The following MARK1 variants were observed in gnomAD, a reference collection of about 807,000 sequenced individuals.
MARK1 encodes serine/threonine-protein kinase MARK1.
A neutral mutation model predicts 96.3 loss-of-function variants in MARK1; 40 were observed. The ratio of observed to expected loss-of-function variants is 0.42; its 90% confidence interval spans 0.32 to 0.54. The LOEUF (loss-of-function observed/expected upper bound fraction) is 0.54. MARK1 is among the 20% of genes least tolerant of loss of function. The pLI is 0.16. For synonymous variants in MARK1, 317 were observed against 341.2 expected, an observed-to-expected ratio of 0.93 and a Z score of 0.78; for missense variants, 719 against 984.6, an observed-to-expected ratio of 0.73 and a Z score of 3.61.
chr1:220,615,217 G>A (rs887235896), intron 6 of MARK1, among the ~76,000 whole-genome samples: 16 of 151,884 alleles, frequency 1.1e-4, no homozygotes, highest in Admixed American at 3.9e-4. Flanking sequence ...TAAACTGTTG[G>A]GTTCCTCCTT....
chr1:220,615,154 A>G (rs1341246575), intron 6 of MARK1, among the ~76,000 whole-genome samples: 1 of 152,170 alleles, frequency 6.6e-6, no homozygotes, highest in Non-Finnish European at 1.5e-5. Flanking sequence ...TTTATGTAAT[A>G]AAGAACTATC....
intron 3 of MARK1, among the ~76,000 whole-genome samples, chr1:220,592,211 G>GATTAT (rs1553324916): frequency 1.5e-5 from 2 of 130,790 alleles, no homozygotes; most frequent in East Asian, 2.3e-4. Flanking sequence ...TCACTGTCAT[G>GATTAT]ATTATATCAT....
chr1:220,542,701 TG>T (rs1401496474), intron 1 of MARK1, among the ~76,000 whole-genome samples: 2 of 152,208 alleles, frequency 1.3e-5, no homozygotes, highest in African/African-American at 2.4e-5. Context: ...TTTGTTGATT[TG>T]TTTTTTTATG....
chr1:220,531,421 A>G (rs1660307724), intron 1 of MARK1, among the ~76,000 whole-genome samples: 1 of 152,204 alleles, frequency 6.6e-6, no homozygotes. Flanking sequence ...AGAAATTAAA[A>G]TCAACAAATA....
intron 6 of MARK1, among the ~76,000 whole-genome samples, chr1:220,609,570 G>A (rs954089015): frequency 6.6e-6 from 1 of 152,148 alleles, no homozygotes; most frequent in Non-Finnish European, 1.5e-5. Flanking sequence ...GGTTAATATT[G>A]TTAGGTGTGA....
At chr1:220,622,910 T>C (rs1360767192) in intron 9 of MARK1, among the ~76,000 whole-genome samples, 1 of 152,172 alleles carries the variant, frequency 6.6e-6, no homozygotes, top group East Asian at 1.9e-4. Flanking sequence ...AAAATAAATG[T>C]GCATCTAAGT....
chr1:220,593,183 A>C (rs1008560787), intron 3 of MARK1, among the ~76,000 whole-genome samples: 2 of 152,110 alleles, frequency 1.3e-5, no homozygotes, highest in Admixed American at 1.3e-4. Flanking sequence ...CAAAACCAAA[A>C]TAAGTACTGT....
At chr1:220,633,718 G>T (rs1469556330) in intron 11 of MARK1, among the ~76,000 whole-genome samples, 5 of 152,196 alleles carry the variant, frequency 3.3e-5, no homozygotes, top group Non-Finnish European at 7.3e-5. Context: ...AGTAGCACTT[G>T]GCGACCAGTT....
chr1:220,614,978 C>T lies in MARK1; in HGVS notation c.496-961C>T, dbSNP rs148770784. 3.9e-3 allele frequency among the ~76,000 whole-genome samples: 594 copies of T among 152,196 alleles called. 3 individuals are homozygous for T. The highest frequency in any genetic ancestry group is 6.4e-3 in the Non-Finnish European group (433 of 67,978). On this transcript the variant is annotated intron_variant, in intron 6 of 17. Coordinates refer to ENST00000366917, the MANE Select transcript of MARK1 (RefSeq NM_018650.5). ...TTTTAAAAAAATCTCATTTTTGTCT[C>T]CATTTGTAAATGCCTAACATTCAAA...
chr1:220,535,079 G>A (rs1660595178), intron 1 of MARK1, among the ~76,000 whole-genome samples: 1 of 152,028 alleles, frequency 6.6e-6, no homozygotes, highest in African/African-American at 2.4e-5. Context: ...GGGTCATATG[G>A]TAGTTCTACT....
chr1:220,544,086 G>C (rs775196059), intron 1 of MARK1, among the ~76,000 whole-genome samples: 2 of 152,150 alleles, frequency 1.3e-5, no homozygotes, highest in Non-Finnish European at 2.9e-5. Flanking sequence ...TAAGTAGTAA[G>C]GTACATGCAT....
Position 220,590,065 on chromosome 1 carries a change from T to C in MARK1, c.310-8266T>C, listed in dbSNP as rs553346449. 3.0e-3 allele frequency among the ~76,000 whole-genome samples: 455 copies of C among 152,318 alleles called. 4 individuals are homozygous for C. Among genetic ancestry groups the C allele is most frequent in the African/African-American group, 0.011 (439 of 41,572 alleles). On this transcript the variant is annotated intron_variant, in intron 3 of 17. Coordinates refer to ENST00000366917, the MANE Select transcript of MARK1 (RefSeq NM_018650.5). The stretch of plus-strand genomic sequence containing the variant: ...AAAAGATCACATATGTATATGTGGC[T>C]CTTCCTCTCCCTCTCCCTGCTTCCT...
chr1:220,580,534 TATA>T (rs947922415), intron 2 of MARK1, among the ~76,000 whole-genome samples: 3 of 152,114 alleles, frequency 2.0e-5, no homozygotes, highest in Non-Finnish European at 2.9e-5. Flanking sequence ...TTGCTCTATG[TATA>T]ATATTATTGT....
At chr1:220,588,080 A>G (rs1444209696) in intron 3 of MARK1, among the ~76,000 whole-genome samples, 1 of 152,156 alleles carries the variant, frequency 6.6e-6, no homozygotes, top group African/African-American at 2.4e-5. Context: ...ATTTTTGCCA[A>G]CCTTATGGGT....
At chr1:220,552,324 A>G (rs1269277603) in intron 1 of MARK1, among the ~76,000 whole-genome samples, 5 of 152,208 alleles carry the variant, frequency 3.3e-5, no homozygotes, top group Non-Finnish European at 1.5e-5. Flanking sequence ...GAGAACAGCT[A>G]TTCCCATTTC....
intron 1 of MARK1, among the ~76,000 whole-genome samples, chr1:220,535,549 T>C (rs575200207): frequency 4.6e-5 from 7 of 152,294 alleles, no homozygotes; most frequent in African/African-American, 1.7e-4. Context: ...TTGCTTTTGT[T>C]GGCTGTGCTT....
rs538840853 is a variant in MARK1, at chr1:220,537,931, G to C, written c.51+9058G>C. On this transcript the variant is annotated intron_variant, in intron 1 of 17. Transcript: ENST00000366917. ...TGTCCTTTGCCCACTTTTTGATGGG[G>C]TTGTTTGTTTTTTTCTTGTAAATTT... 8.5e-5 allele frequency among the ~76,000 whole-genome samples: 13 copies of C among 152,086 alleles called. No homozygotes were observed. The East Asian group carries it at 2.3e-3, about 27-fold the overall frequency.
At chr1:220,584,411 A>G (rs1664455200) in intron 3 of MARK1, among the ~76,000 whole-genome samples, 1 of 152,224 alleles carries the variant, frequency 6.6e-6, no homozygotes, top group Non-Finnish European at 1.5e-5. Context: ...CTTTGCTAGG[A>G]CAGTGATTTT....
intron 1 of MARK1, among the ~76,000 whole-genome samples, chr1:220,561,632 C>A (rs150685792): frequency 1.3e-5 from 2 of 152,090 alleles, no homozygotes; most frequent in African/African-American, 2.4e-5. Flanking sequence ...AAGATCCATG[C>A]CATTTTGAGA....
Sources: gnomAD v4.1 joint callset for allele counts (sites outside exome capture counted in the v4.1 genomes callset) on GRCh38, gnomAD v4.1.1 for gene constraint, MANE v1.5 for transcripts, NCBI Gene and HGNC (gene_info 2026-07-23, HGNC 2026-07-21) for gene names.